SEC63: variants seen among roughly 807,000 people sequenced by gnomAD.
SEC63 encodes SEC63 protein translocation regulator.
Under a neutral mutation model 116.2 loss-of-function variants are expected in SEC63, and 56 were observed. That is an observed-to-expected ratio of 0.48 (90% CI 0.39 to 0.60). The LOEUF (loss-of-function observed/expected upper bound fraction) is 0.60, where lower values mean the gene tolerates loss of function less well. Among genes scored for constraint, SEC63 ranks in the 20% least tolerant of loss-of-function variants. The pLI, the probability that SEC63 is intolerant of heterozygous loss-of-function variation, is 0.00. For missense variants in SEC63, 668 were observed against 900.0 expected (o/e 0.74, Z 3.30); for synonymous variants, 273 against 294.6 (o/e 0.93, Z 0.75).
At position 107,911,095 on chromosome 6, in the gene SEC63, A is replaced by G. The variant is rs974547424; in HGVS notation, c.624+251T>C. 5 of 494,154 alleles carry G rather than the reference A, an allele frequency of 1.0e-5. No individual in the cohort carries two copies. In the South Asian group the frequency reaches 1.2e-4, roughly 12 times the overall value. 30.6% of individuals were successfully genotyped at this position (494,154 alleles called of 1,614,324 possible). A position where few individuals can be genotyped will look rare whatever the true frequency, so the allele number is the denominator to read the frequency against. On this transcript the variant is annotated intron_variant, in intron 7 of 20. Transcript: ENST00000369002. ...TTAGAAGACCATTAAAAGTATAGTT[A>G]TATAATTTTTTTTTCAGTTGGGGTC... is the stretch of plus-strand genomic sequence containing the variant.
At chr6:107,912,926 C>A in intron 5 of SEC63, 152 bp from the exon 6 acceptor site, 1 of 688,946 alleles carries the variant, frequency 1.5e-6, no homozygotes, top group East Asian at 2.7e-5. Flanking sequence ...AGTAGGCCCC[C>A]ATTACACAAA....
rs1403692689 is a variant in SEC63 at position 107,913,430 on chromosome 6, A to G, written c.453-3T>C. On this transcript the variant is annotated splice_polypyrimidine_tract_variant and splice_region_variant and intron_variant, in intron 4 of 20. Coordinates refer to ENST00000369002, the MANE Select transcript of SEC63 (RefSeq NM_007214.5). Reference sequence around the variant, plus strand: ...TCCGGGACTCTTCATCCGTTAAACTAGCATCAAAAGAACAAAGTTGCAAAA... The same window carrying G: ...TCCGGGACTCTTCATCCGTTAAACTGGCATCAAAAGAACAAAGTTGCAAAA... 1.2e-6 allele frequency: 2 copies of G among 1,611,850 alleles called. No homozygotes were observed. Among genetic ancestry groups the G allele is most frequent in the Non-Finnish European group, 1.7e-6 (2 of 1,178,110 alleles).
At chr6:107,879,996 C>A (rs1459085889) in intron 18 of SEC63, among the ~76,000 whole-genome samples, 2 of 152,200 alleles carry the variant, frequency 1.3e-5, no homozygotes, top group Non-Finnish European at 2.9e-5. Context: ...CAGCTTTGAG[C>A]ACCCCATGGC....
chr6:107,918,629 T>G (rs1445796114), intron 4 of SEC63, among the ~76,000 whole-genome samples: 1 of 148,104 alleles, frequency 6.8e-6, no homozygotes, highest in African/African-American at 2.5e-5. Context: ...GAGGCAAAGG[T>G]AGCAGTAAGC....
chr6:107,941,679 G>A (rs891011931), intron 1 of SEC63, among the ~76,000 whole-genome samples: 3 of 152,198 alleles, frequency 2.0e-5, no homozygotes, highest in African/African-American at 7.2e-5. Context: ...GAGGTTGAAC[G>A]TACACCCTCA....
At chr6:107,894,048 T>G in intron 14 of SEC63, 151 bp from the exon 15 acceptor site, 1 of 810,634 alleles carries the variant, frequency 1.2e-6, no homozygotes. Context: ...TACTAGCTGA[T>G]GAATGTGTGC....
intron 4 of SEC63, among the ~76,000 whole-genome samples, chr6:107,917,617 TA>T (rs1432698280): frequency 1.3e-5 from 2 of 152,144 alleles, no homozygotes; most frequent in African/African-American, 4.8e-5. Context: ...TAAAGGAACT[TA>T]AAAGTGAACA....
rs1365984885 is a variant in SEC63, at chr6:107,867,874, A to C, written c.*3830T>G. ...TAAAAGGATGAGATTAAATACAAAT[A>C]ATCATCTTAATACTTCCTCAATGGA... On this transcript the variant is annotated 3_prime_UTR_variant, in exon 21 of 21. Transcript: ENST00000369002. 1 of 152,210 alleles carries C rather than the reference A, an allele frequency of 6.6e-6. No individual in the cohort carries two copies. The highest frequency in any genetic ancestry group is 1.5e-5 in the Non-Finnish European group (1 of 68,038). 9.4% of individuals were successfully genotyped at this position (152,210 alleles called of 1,614,324 possible). A position where few individuals can be genotyped will look rare whatever the true frequency, so the allele number is the denominator to read the frequency against.
At chr6:107,949,960 T>C (rs775818835) in intron 1 of SEC63, among the ~76,000 whole-genome samples, 1 of 152,148 alleles carries the variant, frequency 6.6e-6, no homozygotes, top group Non-Finnish European at 1.5e-5. Context: ...GTAATTACTT[T>C]AAATGTAAAT....
chr6:107,877,051 G>C (rs781678269), intron 18 of SEC63: 3 of 173,722 alleles, frequency 1.7e-5, no homozygotes, highest in Non-Finnish European at 3.2e-5. Flanking sequence ...GGAGTGGAAG[G>C]AACATATATA....
At chr6:107,878,025 A>G (rs1360433699) in intron 18 of SEC63, among the ~76,000 whole-genome samples, 1 of 152,244 alleles carries the variant, frequency 6.6e-6, no homozygotes, top group Non-Finnish European at 1.5e-5. Flanking sequence ...TAAATACATA[A>G]CAGCCTCAAA....
chr6:107,895,671 A>G (rs962150471), intron 14 of SEC63, among the ~76,000 whole-genome samples: 1 of 152,100 alleles, frequency 6.6e-6, no homozygotes, highest in Non-Finnish European at 1.5e-5. Flanking sequence ...CACTAGTTGA[A>G]TAAATTGAGT....
At chr6:107,887,470 T>C (rs868101477) in intron 16 of SEC63, among the ~76,000 whole-genome samples, 12 of 146,426 alleles carry the variant, frequency 8.2e-5, no homozygotes, top group South Asian at 2.2e-4. Context: ...AAATTGGAAA[T>C]CATCATTCTC....
At chr6:107,912,971 AT>A (rs1291943236) in intron 5 of SEC63, among the ~76,000 whole-genome samples, 197 bp from the exon 6 acceptor site, 2 of 152,164 alleles carry the variant, frequency 1.3e-5, no homozygotes, top group Non-Finnish European at 2.9e-5. Context: ...GAAACTTCAA[AT>A]TTTTCAAGGA....
chr6:107,933,526 C>T (rs1213547470), intron 1 of SEC63, among the ~76,000 whole-genome samples: 1 of 152,118 alleles, frequency 6.6e-6, no homozygotes, highest in Non-Finnish European at 1.5e-5. Flanking sequence ...AGATACACAA[C>T]CTGACTCTAA....
At chr6:107,926,060 C>T (rs973550123) in intron 2 of SEC63, among the ~76,000 whole-genome samples, 23 of 152,114 alleles carry the variant, frequency 1.5e-4, no homozygotes, top group East Asian at 9.6e-4. Context: ...TCAAGTGATC[C>T]GCTCGCCTCA....
At chr6:107,946,751 C>T (rs1562340952) in intron 1 of SEC63, among the ~76,000 whole-genome samples, 1 of 151,950 alleles carries the variant, frequency 6.6e-6, no homozygotes, top group East Asian at 1.9e-4. Flanking sequence ...AAACTGTAAG[C>T]TCTACACATT....
intron 4 of SEC63, among the ~76,000 whole-genome samples, chr6:107,918,335 G>A (rs1787463432): frequency 6.6e-6 from 1 of 152,084 alleles, no homozygotes; most frequent in African/African-American, 2.4e-5. Context: ...TGTACAAACA[G>A]ATTAATGTTT....
At chr6:107,879,405 C>T (rs1786357151) in intron 18 of SEC63, among the ~76,000 whole-genome samples, 1 of 152,250 alleles carries the variant, frequency 6.6e-6, no homozygotes. Flanking sequence ...CAGCTTACCG[C>T]AACCTCCGCC....
Sources: gnomAD v4.1 joint callset for allele counts (sites outside exome capture counted in the v4.1 genomes callset) on GRCh38, gnomAD v4.1.1 for gene constraint, MANE v1.5 for transcripts, NCBI Gene and HGNC (gene_info 2026-07-23, HGNC 2026-07-21) for gene names.